C1orf116: variants seen among roughly 807,000 people sequenced by gnomAD.
The protein encoded by C1orf116 is chromosome 1 open reading frame 116, also known as specifically androgen-regulated gene protein.
C1orf116 carries 12 observed loss-of-function variants against 14.1 expected under a neutral mutation model. The observed-to-expected ratio is 0.85, with a 90% CI of 0.54 to 1.38. The LOEUF is 1.38. C1orf116 is among the 40% of genes most tolerant of loss of function. The probability of loss-of-function intolerance (pLI) is 0.00; values close to 1 mark genes in which losing one functional copy is unlikely to be tolerated. For missense variants in C1orf116, 797 were observed against 747.0 expected (o/e 1.07, Z -0.78); for synonymous variants, 296 against 299.0 (o/e 0.99, Z 0.10).
rs1358836841 is a variant in C1orf116 at position 207,022,826 on chromosome 1, C to G, written c.938G>C (p.Ser313Thr). The change falls in exon 4 of 4, where the codon AGT becomes ACT. Residue 313 changes from serine (S) to threonine (T), a missense_variant. Transcript: ENST00000359470. The part of the protein sequence containing the change: ...PNIVLKSSRS[S>T]FHSDPQHWLS... The stretch of plus-strand genomic sequence containing the variant: ...CCAGTGCTGGGGGTCACTGTGGAAA[C>G]TGCTTCGGCTGCTCTTCAGAACAAT... The G allele has an allele frequency of 6.2e-7, 1 of 1,614,048 alleles. No homozygotes were observed. The highest frequency in any genetic ancestry group is 2.2e-5 in the East Asian group (1 of 44,886).
rs896094772 is a variant in C1orf116, at chr1:207,021,512, T to A, written c.*446A>T. On this transcript the variant is annotated 3_prime_UTR_variant, in exon 4 of 4. Transcript: ENST00000359470. ...GGGATTCCAGGAGGCCCATATTTCA[T>A]GTGACCCTGCATTTGCTGGATGTGA... The A allele has an allele frequency of 2.0e-5, 3 of 153,338 alleles. No individual in the cohort carries two copies. The highest frequency in any genetic ancestry group is 2.9e-5 in the Non-Finnish European group (2 of 68,590). 9.5% of individuals were successfully genotyped at this position (153,338 alleles called of 1,614,324 possible).
chr1:207,018,676 C>T lies in C1orf116; in HGVS notation c.*3282G>A, dbSNP rs142842878. On this transcript the variant is annotated 3_prime_UTR_variant, in exon 4 of 4. Transcript: ENST00000359470. ...GAGGTTCAGAAAGTTAAAGTGATAT[C>T]GCCAGGGTTCCTGACTGGTAAGTGA... 2.0e-5 allele frequency: 3 copies of T among 152,278 alleles called. No individual in the cohort carries two copies. Among genetic ancestry groups the T allele is most frequent in the Non-Finnish European group, 2.9e-5 (2 of 68,020 alleles). The allele number at this position is 152,278 out of a possible 1,614,324, so 9.4% of individuals were successfully genotyped here.
chr1:207,028,950 C>T (rs1346095575), intron 1 of C1orf116, among the ~76,000 whole-genome samples: 3 of 152,202 alleles, frequency 2.0e-5, no homozygotes, highest in African/African-American at 7.2e-5. Context: ...TCCAACCCTC[C>T]CAACACTAGG....
At position 207,019,865 on chromosome 1, in the gene C1orf116, G is replaced by A. The variant is rs1681782791; in HGVS notation, c.*2093C>T. 1 of 152,088 alleles carries A rather than the reference G, an allele frequency of 6.6e-6. No individual in the cohort carries two copies. Among genetic ancestry groups the A allele is most frequent in the Non-Finnish European group, 1.5e-5 (1 of 68,018 alleles). The allele number at this position is 152,088 out of a possible 1,614,324, so 9.4% of individuals were successfully genotyped here. A position where few individuals can be genotyped will look rare whatever the true frequency, so the allele number is the denominator to read the frequency against. On this transcript the variant is annotated 3_prime_UTR_variant, in exon 4 of 4. Coordinates refer to ENST00000359470, the MANE Select transcript of C1orf116 (RefSeq NM_023938.6). The stretch of plus-strand genomic sequence containing the variant: ...GAGAAATGACCTTTCTCAGGATGTG[G>A]GAATATAATAGGCTGTACTCCTGAT...
At chr1:207,027,435 C>G (rs1682112568) in intron 2 of C1orf116, 59 bp downstream of exon 2, 1 of 1,596,928 alleles carries the variant, frequency 6.3e-7, no homozygotes, top group Non-Finnish European at 8.6e-7. Context: ...TAGGGCAGGG[C>G]AGGGCAGGGC....
rs112533206 is a variant in C1orf116 at position 207,018,872 on chromosome 1, G to A, written c.*3086C>T. 6.6e-6 allele frequency: 1 copy of A among 152,302 alleles called. No homozygotes were observed. 9.4% of individuals were successfully genotyped at this position (152,302 alleles called of 1,614,324 possible). A position where few individuals can be genotyped will look rare whatever the true frequency, so the allele number is the denominator to read the frequency against. On this transcript the variant is annotated 3_prime_UTR_variant, in exon 4 of 4. Coordinates refer to ENST00000359470, the MANE Select transcript of C1orf116 (RefSeq NM_023938.6). ...AGATTACAGCTTTGCACACTGACAG[G>A]AGGGTCCTTCCTTCTTAGCCTACAC...
chr1:207,031,435 G>A (rs958853015), intron 1 of C1orf116, among the ~76,000 whole-genome samples: 5 of 152,138 alleles, frequency 3.3e-5, no homozygotes, highest in Non-Finnish European at 5.9e-5. Context: ...GCTCTGTGGT[G>A]TGAGGTGAGC....
intron 1 of C1orf116, among the ~76,000 whole-genome samples, chr1:207,031,760 T>C (rs1417209162): frequency 6.6e-6 from 1 of 152,214 alleles, no homozygotes; most frequent in African/African-American, 2.4e-5. Context: ...GTCTGTGGAC[T>C]CTGCCACACT....
chr1:207,029,027 A>G (rs1340235), intron 1 of C1orf116, among the ~76,000 whole-genome samples: 12,092 of 152,234 alleles, frequency 0.079, 1,569 homozygotes, highest in African/African-American at 0.27. Flanking sequence ...ATGCCAGGGC[A>G]GATGTCCTCT....
At chr1:207,028,628 C>T (rs1169159234) in intron 1 of C1orf116, among the ~76,000 whole-genome samples, 5 of 152,176 alleles carry the variant, frequency 3.3e-5, no homozygotes, top group African/African-American at 1.2e-4. Context: ...TAGCTTCCTC[C>T]CAACTCTAAT....
intron 1 of C1orf116, among the ~76,000 whole-genome samples, chr1:207,029,640 T>C (rs1682186170): frequency 6.6e-6 from 1 of 152,224 alleles, no homozygotes; most frequent in Non-Finnish European, 1.5e-5. Flanking sequence ...TTCTTCTTGG[T>C]TTCTAACCTA....
At chr1:207,027,879 TG>T (rs1228494683) in intron 1 of C1orf116, among the ~76,000 whole-genome samples, 200 bp from the exon 2 acceptor site, 7 of 152,236 alleles carry the variant, frequency 4.6e-5, no homozygotes, top group African/African-American at 1.7e-4. Context: ...CAGACTTAGT[TG>T]GTGGAGAGGC....
chr1:207,028,470 C>G (rs1366976554), intron 1 of C1orf116, among the ~76,000 whole-genome samples: 1 of 152,210 alleles, frequency 6.6e-6, no homozygotes, highest in East Asian at 1.9e-4. Context: ...ACTCCCTAGC[C>G]TGGAGGCATG....
Sources: gnomAD v4.1 joint callset for allele counts (sites outside exome capture counted in the v4.1 genomes callset) on GRCh38, gnomAD v4.1.1 for gene constraint, MANE v1.5 for transcripts, NCBI Gene and HGNC (gene_info 2026-07-23, HGNC 2026-07-21) for gene names.